SGCZ: variants seen among roughly 807,000 people sequenced by gnomAD.
SGCZ encodes the protein sarcoglycan zeta.
A neutral mutation model predicts 41.3 loss-of-function variants in SGCZ; 40 were observed. That is an observed-to-expected ratio of 0.97 (90% CI 0.75 to 1.26). SGCZ has a LOEUF of 1.26. Ranked by LOEUF, SGCZ falls within the 50% of genes most tolerant of loss-of-function variation. SGCZ has a pLI of 0.00. For missense variants in SGCZ, 552 were observed against 369.8 expected (o/e 1.49, Z -4.04); for synonymous variants, 206 against 137.5 (o/e 1.50, Z -3.49).
intron 3 of SGCZ, among the ~76,000 whole-genome samples, chr8:14,239,899 C>T (rs1585266638): frequency 2.4e-5 from 2 of 83,452 alleles, no homozygotes; most frequent in South Asian, 4.2e-4. Flanking sequence ...GAGACTCCGT[C>T]TCAAAAAAAA....
At chr8:14,388,430 A>G (rs1804649166) in intron 2 of SGCZ, among the ~76,000 whole-genome samples, 2 of 152,098 alleles carry the variant, frequency 1.3e-5, no homozygotes, top group South Asian at 4.1e-4. Context: ...GATTAGGAGA[A>G]TATTTTTTCT....
chr8:14,140,586 T>A (rs946836795), intron 5 of SGCZ, among the ~76,000 whole-genome samples: 4 of 151,980 alleles, frequency 2.6e-5, no homozygotes, highest in African/African-American at 9.7e-5. Flanking sequence ...TCAAAGAGAA[T>A]AAAATACCTA....
chr8:14,852,645 C>T (rs543261839), intron 1 of SGCZ, among the ~76,000 whole-genome samples: 1 of 152,314 alleles, frequency 6.6e-6, no homozygotes, highest in Admixed American at 6.5e-5. Flanking sequence ...TGCCTATAGT[C>T]TCCCCTACAA....
chr8:14,534,926 GAT>G (rs1372642178), intron 2 of SGCZ, among the ~76,000 whole-genome samples: 1 of 151,942 alleles, frequency 6.6e-6, no homozygotes, highest in East Asian at 1.9e-4. Flanking sequence ...ACTGTTCTTA[GAT>G]ATTTCACACT....
chr8:15,172,213 G>A (rs1370220916), intron 1 of SGCZ, among the ~76,000 whole-genome samples: 1 of 129,352 alleles, frequency 7.7e-6, no homozygotes, highest in African/African-American at 3.0e-5. Context: ...CCAGGCTGGA[G>A]CGCAGTGGCG....
intron 1 of SGCZ, among the ~76,000 whole-genome samples, chr8:15,111,900 C>CAA (rs59606190): frequency 0.093 from 13,005 of 140,560 alleles, 728 homozygotes; most frequent in East Asian, 0.27. Context: ...CTCCGTCTCC[C>CAA]AAAAAAAAAA....
chr8:14,182,890 A>G (rs116377314), intron 4 of SGCZ, among the ~76,000 whole-genome samples: 1,899 of 151,922 alleles, frequency 0.012, 35 homozygotes, highest in African/African-American at 0.04. Context: ...GGCACCTGTA[A>G]TCCCAACTAG....
chr8:15,029,019 T>C (rs1257335270), intron 1 of SGCZ, among the ~76,000 whole-genome samples: 2 of 152,070 alleles, frequency 1.3e-5, no homozygotes, highest in African/African-American at 4.8e-5. Flanking sequence ...CCTGCAGAAA[T>C]AACTACCTGT....
chr8:14,102,257 C>T, intron 7 of SGCZ, 119 bp downstream of exon 7: 6 of 1,140,506 alleles, frequency 5.3e-6, no homozygotes, highest in Non-Finnish European at 6.9e-6. Flanking sequence ...TAAGTTACAA[C>T]TCCATTTATT....
intron 1 of SGCZ, among the ~76,000 whole-genome samples, chr8:15,004,605 T>C (rs1176556528): frequency 6.6e-6 from 1 of 152,196 alleles, no homozygotes. Context: ...TTTCAGAGTG[T>C]ACCGTTTCTC....
intron 1 of SGCZ, among the ~76,000 whole-genome samples, chr8:15,068,628 C>T (rs1805239178): frequency 6.6e-6 from 1 of 152,166 alleles, no homozygotes; most frequent in African/African-American, 2.4e-5. Context: ...ACTTTCCTTA[C>T]ACATAACACA....
At chr8:14,206,468 C>G (rs1173112187) in intron 4 of SGCZ, among the ~76,000 whole-genome samples, 1 of 152,104 alleles carries the variant, frequency 6.6e-6, no homozygotes, top group Non-Finnish European at 1.5e-5. Flanking sequence ...CACAGAATCT[C>G]CACATTTATA....
intron 1 of SGCZ, among the ~76,000 whole-genome samples, chr8:14,998,377 A>T (rs1172985924): frequency 1.3e-5 from 2 of 152,228 alleles, no homozygotes; most frequent in Non-Finnish European, 2.9e-5. Context: ...TAAGCTTTCC[A>T]GTAAGCTGAT....
At chr8:15,228,815 C>T (rs1286553201) in intron 1 of SGCZ, among the ~76,000 whole-genome samples, 1 of 152,144 alleles carries the variant, frequency 6.6e-6, no homozygotes, top group Non-Finnish European at 1.5e-5. Context: ...ACACAACTAT[C>T]GTAGACAAAT....
chr8:15,152,380 G>A (rs1422566636), intron 1 of SGCZ, among the ~76,000 whole-genome samples: 2 of 152,180 alleles, frequency 1.3e-5, no homozygotes, highest in African/African-American at 4.8e-5. Flanking sequence ...CAGGATGCTC[G>A]AGTACAGTAC....
intron 1 of SGCZ, among the ~76,000 whole-genome samples, chr8:14,617,875 T>TGC (rs1806157721): frequency 6.6e-6 from 1 of 151,124 alleles, no homozygotes; most frequent in Admixed American, 6.6e-5. Flanking sequence ...TGTGTGTGTG[T>TGC]GCCTTTAAAA....
chr8:14,347,204 A>C (rs1802918639), intron 2 of SGCZ, among the ~76,000 whole-genome samples: 1 of 152,168 alleles, frequency 6.6e-6, no homozygotes, highest in Middle Eastern at 3.4e-3. Flanking sequence ...CATTTGATAG[A>C]GCCTGGCATC....
At chr8:15,076,114 A>T (rs79786870) in intron 1 of SGCZ, among the ~76,000 whole-genome samples, 1 of 152,112 alleles carries the variant, frequency 6.6e-6, no homozygotes, top group Non-Finnish European at 1.5e-5. Flanking sequence ...ACATCTATGA[A>T]GATGAAGAAA....
chr8:14,388,764 A>T (rs1804660678), intron 2 of SGCZ, among the ~76,000 whole-genome samples: 1 of 151,966 alleles, frequency 6.6e-6, no homozygotes, highest in African/African-American at 2.4e-5. Context: ...AACCTCCATG[A>T]TGCAAGTTTA....
Sources: allele counts gnomAD v4.1 joint callset (sites outside exome capture counted in the v4.1 genomes callset), GRCh38; gene constraint gnomAD v4.1.1; transcripts MANE v1.5; gene names NCBI Gene and HGNC (gene_info 2026-07-23, HGNC 2026-07-21).